Variants in SLC22A23 observed in about 807,000 individuals in gnomAD.
SLC22A23 encodes the protein solute carrier family 22 member 23.
A neutral mutation model predicts 61.0 loss-of-function variants in SLC22A23; 26 were observed. The ratio of observed to expected loss-of-function variants is 0.43; its 90% CI spans 0.31 to 0.59. The LOEUF (loss-of-function observed/expected upper bound fraction) is 0.59. SLC22A23 is among the 20% of genes least tolerant of loss of function. The probability of loss-of-function intolerance (pLI) is 0.11; values close to 1 mark genes in which losing one functional copy is unlikely to be tolerated. For missense variants in SLC22A23, 796 were observed against 934.7 expected (o/e 0.85, Z 1.94); for synonymous variants, 430 against 413.9 (o/e 1.04, Z -0.47).
chr6:3,299,721 A>G (rs765340658), intron 4 of SLC22A23, among the ~76,000 whole-genome samples: 2 of 152,228 alleles, frequency 1.3e-5, no homozygotes, highest in Non-Finnish European at 2.9e-5. Flanking sequence ...GTCTCTCCTC[A>G]TCTTGGCCTT....
chr6:3,289,758 A>G lies in SLC22A23; in HGVS notation c.1313+6T>C. On this transcript the variant is annotated splice_donor_region_variant and intron_variant, in intron 6 of 9. Transcript: ENST00000406686. Reference sequence around the variant, plus strand: ...ACCCAGCTGGCACTTGTCCTCTGTGACTCACGAGTTCACACACAGGACCAC... The same window carrying G: ...ACCCAGCTGGCACTTGTCCTCTGTGGCTCACGAGTTCACACACAGGACCAC... 3.1e-6 allele frequency: 5 copies of G among 1,612,702 alleles called. No individual in the cohort carries two copies. The highest frequency in any genetic ancestry group is 4.2e-6 in the Non-Finnish European group (5 of 1,179,138).
intron 4 of SLC22A23, chr6:3,311,993 A>G (rs754784824): frequency 1.3e-5 from 2 of 152,226 alleles, no homozygotes; most frequent in African/African-American, 4.8e-5. Context: ...ACTCAGGGCT[A>G]ACGCTCACTG....
intron 5 of SLC22A23, among the ~76,000 whole-genome samples, chr6:3,293,289 C>T (rs907607373): frequency 6.6e-6 from 1 of 152,160 alleles, no homozygotes; most frequent in African/African-American, 2.4e-5. Flanking sequence ...AGGGATGCTG[C>T]CATCTCTGCC....
chr6:3,455,362 C>T (rs971409385), intron 1 of SLC22A23, among the ~76,000 whole-genome samples: 1 of 152,218 alleles, frequency 6.6e-6, no homozygotes, highest in Non-Finnish European at 1.5e-5. Flanking sequence ...TGGGAGGAGA[C>T]ACTGGGGTAG....
At chr6:3,382,681 C>T (rs1013373483) in intron 3 of SLC22A23, among the ~76,000 whole-genome samples, 3 of 152,362 alleles carry the variant, frequency 2.0e-5, no homozygotes, top group Non-Finnish European at 4.4e-5. Context: ...CATTTGTTTA[C>T]ATATCATCTA....
intron 1 of SLC22A23, among the ~76,000 whole-genome samples, chr6:3,428,293 G>T (rs900953186): frequency 2.0e-5 from 3 of 152,184 alleles, no homozygotes; most frequent in Admixed American, 6.5e-5. Context: ...GCTCAGAGTG[G>T]TACAGTGTTT....
chr6:3,364,775 G>A (rs796296040), intron 3 of SLC22A23, among the ~76,000 whole-genome samples: 8 of 152,316 alleles, frequency 5.3e-5, no homozygotes, highest in African/African-American at 1.7e-4. Flanking sequence ...TCCACCATCC[G>A]GGACGTGCAG....
At chr6:3,423,445 A>G (rs567422827) in intron 1 of SLC22A23, among the ~76,000 whole-genome samples, 1 of 152,348 alleles carries the variant, frequency 6.6e-6, no homozygotes, top group East Asian at 1.9e-4. Context: ...CAGCAGAGAT[A>G]ATTAATAAGC....
At chr6:3,357,333 T>C (rs531266316) in intron 3 of SLC22A23, among the ~76,000 whole-genome samples, 1 of 152,340 alleles carries the variant, frequency 6.6e-6, no homozygotes, top group Non-Finnish European at 1.5e-5. Context: ...CAGACAGCTT[T>C]CCTAATTTTT....
chr6:3,421,192 CAAAG>C (rs973264976), intron 1 of SLC22A23, among the ~76,000 whole-genome samples: 9 of 151,678 alleles, frequency 5.9e-5, no homozygotes, highest in African/African-American at 2.2e-4. Context: ...GAAGGAGAAA[CAAAG>C]AGGTACAAAT....
At position 3,333,101 on chromosome 6, in the gene SLC22A23, G is replaced by A. The variant is rs540064066; in HGVS notation, c.914-9099C>T. On this transcript the variant is annotated intron_variant, in intron 3 of 9. Coordinates refer to ENST00000406686, the MANE Select transcript of SLC22A23 (RefSeq NM_015482.2). This position sits in a 1 kb window ranked among gnomAD's most constrained non-coding sequence, Gnocchi z 4.1. ...CCACTGACCCATGGAGCAAAGCGGC[G>A]GCGCCTCAGCCTCCCATCCTAGAGT... Among the ~76,000 whole-genome samples, 229 of 152,278 alleles carry A rather than the reference G, an allele frequency of 1.5e-3. 1 individual carries two copies. Among genetic ancestry groups the A allele is most frequent in the Non-Finnish European group, 2.5e-3 (170 of 68,008 alleles).
chr6:3,399,213 C>A (rs1266161265), intron 3 of SLC22A23, among the ~76,000 whole-genome samples: 1 of 152,088 alleles, frequency 6.6e-6, no homozygotes, highest in Non-Finnish European at 1.5e-5. Context: ...AGAGGAAACG[C>A]CTCTTCAGAG....
chr6:3,393,401 C>A (rs1767793800), intron 3 of SLC22A23, among the ~76,000 whole-genome samples: 1 of 152,206 alleles, frequency 6.6e-6, no homozygotes. Flanking sequence ...TTTTAAATGA[C>A]AAATTCAGTC....
At chr6:3,316,845 C>T (rs1014615333) in intron 4 of SLC22A23, among the ~76,000 whole-genome samples, 1 of 152,054 alleles carries the variant, frequency 6.6e-6, no homozygotes, top group South Asian at 2.1e-4. Context: ...CCTTTGTTGC[C>T]CAGGCTTATC....
chr6:3,271,491 T>G lies in SLC22A23; in HGVS notation c.*1564A>C, dbSNP rs914399899. 1.3e-5 allele frequency: 2 copies of G among 152,376 alleles called. No homozygotes were observed. The highest frequency in any genetic ancestry group is 2.9e-5 in the Non-Finnish European group (2 of 68,058). The allele number at this position is 152,376 out of a possible 1,614,324, so 9.4% of individuals were successfully genotyped here. A position where few individuals can be genotyped will look rare whatever the true frequency, so the allele number is the denominator to read the frequency against. On this transcript the variant is annotated 3_prime_UTR_variant, in exon 10 of 10. Transcript: ENST00000406686. ...GCCAGAAGGGGAGAAGGTCAACCCC[T>G]TTTCTGCCCTGTGAATTCTAGCAAC...
chr6:3,358,085 A>G (rs181212358), intron 3 of SLC22A23, among the ~76,000 whole-genome samples: 1 of 152,176 alleles, frequency 6.6e-6, no homozygotes, highest in African/African-American at 2.4e-5. Flanking sequence ...AGTCCCCAGG[A>G]TGGAGAGAAA....
rs1365056266 is a variant in SLC22A23 at position 3,414,966 on chromosome 6, G to C, written c.758+786C>G. On this transcript the variant is annotated intron_variant, in intron 2 of 9. Transcript: ENST00000406686. This position sits in a 1 kb window ranked among gnomAD's most constrained non-coding sequence, Gnocchi z 5.1. The stretch of plus-strand genomic sequence containing the variant: ...AGGCCACGTGGTGGCTGAGTTTCAA[G>C]TTCTGGCTCTCCAGCTTAAAGCTGA... Among the ~76,000 whole-genome samples, 1 of 152,196 alleles carries C rather than the reference G, an allele frequency of 6.6e-6. No individual in the cohort carries two copies. The highest frequency in any genetic ancestry group is 1.5e-5 in the Non-Finnish European group (1 of 68,022).
At chr6:3,452,304 C>T (rs751372754) in intron 1 of SLC22A23, among the ~76,000 whole-genome samples, 4 of 152,180 alleles carry the variant, frequency 2.6e-5, no homozygotes, top group Non-Finnish European at 5.9e-5. Flanking sequence ...TGATTGGCAC[C>T]TGCTATTAGT....
chr6:3,296,149 A>C (rs986540217), intron 5 of SLC22A23, among the ~76,000 whole-genome samples: 2 of 152,226 alleles, frequency 1.3e-5, no homozygotes, highest in Admixed American at 1.3e-4. Context: ...TAAGAGCATT[A>C]ACCTGCTAAC....
Sources: allele counts gnomAD v4.1 joint callset (sites outside exome capture counted in the v4.1 genomes callset), GRCh38; gene constraint gnomAD v4.1.1; non-coding constraint Gnocchi (gnomAD v3.1); transcripts MANE v1.5; gene names NCBI Gene and HGNC (gene_info 2026-07-23, HGNC 2026-07-21).